Variants in TULP4 observed in about 807,000 individuals in gnomAD.
TULP4 encodes tubby-related protein 4.
A neutral mutation model predicts 129.0 loss-of-function variants in TULP4; 16 were observed. The ratio of observed to expected loss-of-function variants is 0.12; its 90% confidence interval spans 0.08 to 0.19. TULP4 has a LOEUF of 0.19. Ranked by LOEUF, TULP4 falls within the 10% of genes least tolerant of loss-of-function variation. The probability of loss-of-function intolerance (pLI) is 1.00; values close to 1 mark genes in which losing one functional copy is unlikely to be tolerated. For missense variants in TULP4, 1,842 were observed against 2,059.1 expected, an observed-to-expected ratio of 0.89 and a Z score of 2.04; for synonymous variants, 998 against 854.0, an observed-to-expected ratio of 1.17 and a Z score of -2.94.
chr6:158,369,797 A>G (rs1233379203), intron 1 of TULP4, among the ~76,000 whole-genome samples: 2 of 152,142 alleles, frequency 1.3e-5, no homozygotes, highest in African/African-American at 2.4e-5. Context: ...GAAGAGAACT[A>G]GGTGGCAAGC....
At chr6:158,500,188 A>G (rs1270383160) in intron 12 of TULP4, among the ~76,000 whole-genome samples, 1 of 152,220 alleles carries the variant, frequency 6.6e-6, no homozygotes, top group Non-Finnish European at 1.5e-5. Flanking sequence ...AGAGGAGGGA[A>G]CATATTGTCT....
intron 1 of TULP4, among the ~76,000 whole-genome samples, chr6:158,333,478 A>T (rs1002052112): frequency 2.0e-5 from 3 of 152,322 alleles, no homozygotes; most frequent in African/African-American, 7.2e-5. Context: ...TGTTGTTTGA[A>T]TTACCCAGTC....
chr6:158,318,028 G>GT (rs1779530698), intron 1 of TULP4, among the ~76,000 whole-genome samples: 3 of 152,150 alleles, frequency 2.0e-5, no homozygotes, highest in African/African-American at 7.2e-5. Context: ...TTGTAAATTT[G>GT]TTTAAGTTCT....
At chr6:158,366,076 TGTATTTTTAGTAGAAACGGG>T (rs1780952127) in intron 1 of TULP4, among the ~76,000 whole-genome samples, 1 of 151,462 alleles carries the variant, frequency 6.6e-6, no homozygotes, top group Non-Finnish European at 1.5e-5. Context: ...CTAATTTTTT[TGTATTTTTAGTAGAAACGGG>T]GTTTCACCAT....
At chr6:158,291,888 G>GT (rs1778948800) in intron 1 of TULP4, among the ~76,000 whole-genome samples, 1 of 152,034 alleles carries the variant, frequency 6.6e-6, no homozygotes, top group Non-Finnish European at 1.5e-5. Context: ...TTTAGATAGT[G>GT]TTTTGCTTTC....
At chr6:158,366,683 C>T (rs887173557) in intron 1 of TULP4, among the ~76,000 whole-genome samples, 1 of 152,222 alleles carries the variant, frequency 6.6e-6, no homozygotes, top group Admixed American at 6.5e-5. Context: ...CTTGTTTGTT[C>T]TGTTGGTAAA....
chr6:158,465,754 A>G (rs1265951850), intron 6 of TULP4, among the ~76,000 whole-genome samples: 2 of 152,242 alleles, frequency 1.3e-5, no homozygotes, highest in Non-Finnish European at 2.9e-5. Context: ...GGCAAGAGTT[A>G]CAGGCAAAGA....
chr6:158,328,170 TGGAGGAGCA>T (rs1384570270), intron 1 of TULP4, among the ~76,000 whole-genome samples: 1 of 142,254 alleles, frequency 7.0e-6, no homozygotes, highest in Non-Finnish European at 1.5e-5. Flanking sequence ...ATATGAAAGT[TGGAGGAGCA>T]GGAGGAGGGA....
chr6:158,426,824 T>G (rs1053663292), intron 2 of TULP4, among the ~76,000 whole-genome samples: 23 of 152,244 alleles, frequency 1.5e-4, no homozygotes, highest in Admixed American at 5.2e-4. Flanking sequence ...ATGGCCCTTT[T>G]AGTGATATTG....
upstream of TULP4, among the ~76,000 whole-genome samples, chr6:158,307,954 C>T (rs570629376): frequency 2.6e-5 from 4 of 151,812 alleles, no homozygotes; most frequent in South Asian, 2.1e-4. Flanking sequence ...TGCTGATTTT[C>T]GCAAACATCT....
At chr6:158,372,132 T>TC in intron 1 of TULP4, among the ~76,000 whole-genome samples, 1 of 75,884 alleles carries the variant, frequency 1.3e-5, no homozygotes. Context: ...AGTTTTTTTT[T>TC]TTTTTTTTTT....
At position 158,494,793 on chromosome 6, in the gene TULP4, C is replaced by A. The variant is rs1240628969; in HGVS notation, c.1817C>A (p.Thr606Asn). ...CAGGTCACGTCTAATATCTGGGGAA[C>A]CAAATTTAAGATTGTGGGCTTGGCT... ...LAQVTSNIWGTKFKIVGLAAF... is the reference protein window; with the variant it reads ...LAQVTSNIWGNKFKIVGLAAF... Residue 606 changes from threonine (T) to asparagine (N), a missense_variant, in exon 11 of 14, where the codon ACC becomes AAC. Transcript: ENST00000367097. 2 of 1,613,986 alleles carry A rather than the reference C, an allele frequency of 1.2e-6. No homozygotes were observed. The highest frequency in any genetic ancestry group is 3.3e-5 in the Admixed American group (2 of 59,988).
rs1484248322 is a variant in TULP4, at chr6:158,493,118, A to G, written c.1632-455A>G. 6.6e-6 allele frequency among the ~76,000 whole-genome samples: 1 copy of G among 152,236 alleles called. No individual in the cohort carries two copies. The highest frequency in any genetic ancestry group is 6.5e-5 in the Admixed American group (1 of 15,292). On this transcript the variant is annotated intron_variant, in intron 9 of 13. Coordinates refer to ENST00000367097, the MANE Select transcript of TULP4 (RefSeq NM_020245.5). This position sits in a 1 kb window ranked among gnomAD's most constrained non-coding sequence, Gnocchi z 4.4. ...TTCCACGCTTGCTCCAAGGCAACAG[A>G]GAGTGAAAGACAGTTAATTCTTTGA...
At chr6:158,260,217 A>G (rs1583683872) in intron 1 of TULP4, among the ~76,000 whole-genome samples, 1 of 152,338 alleles carries the variant, frequency 6.6e-6, no homozygotes, top group East Asian at 1.9e-4. Context: ...CTTCACAGAT[A>G]ACAAAAGACA....
intron 1 of TULP4, among the ~76,000 whole-genome samples, chr6:158,343,353 A>C (rs1478292699): frequency 6.6e-6 from 1 of 152,096 alleles, no homozygotes; most frequent in African/African-American, 2.4e-5. Context: ...TGTGTTTCTA[A>C]CCAAGCCAAA....
intron 1 of TULP4, among the ~76,000 whole-genome samples, chr6:158,295,815 T>G (rs371943846): frequency 1.3e-5 from 2 of 152,238 alleles, no homozygotes; most frequent in South Asian, 2.1e-4. Context: ...GGCACGAACC[T>G]GGGAGGCAGA....
chr6:158,354,339 T>A (rs982770442), intron 1 of TULP4, among the ~76,000 whole-genome samples: 2 of 152,218 alleles, frequency 1.3e-5, no homozygotes, highest in Admixed American at 6.5e-5. Flanking sequence ...TTGGAGAGCA[T>A]CCAGCTACAT....
At chr6:158,324,438 T>C (rs1779701331) in intron 1 of TULP4, among the ~76,000 whole-genome samples, 1 of 152,174 alleles carries the variant, frequency 6.6e-6, no homozygotes, top group Admixed American at 6.5e-5. Flanking sequence ...CAGGGAAGCT[T>C]CCTGCAGAGT....
chr6:158,358,100 C>T (rs545434127), intron 1 of TULP4, among the ~76,000 whole-genome samples: 34 of 152,286 alleles, frequency 2.2e-4, no homozygotes, highest in African/African-American at 7.2e-4. Context: ...TTTAATGTTA[C>T]TAATCCAGAG....
Sources: gnomAD v4.1 joint callset for allele counts (sites outside exome capture counted in the v4.1 genomes callset) on GRCh38, gnomAD v4.1.1 for gene constraint, Gnocchi (gnomAD v3.1) non-coding constraint, MANE v1.5 for transcripts, NCBI Gene and HGNC (gene_info 2026-07-23, HGNC 2026-07-21) for gene names.